FHAD1: variants seen among roughly 807,000 people sequenced by gnomAD.
FHAD1 encodes forkhead associated phosphopeptide binding domain 1, also known as forkhead-associated domain-containing protein 1.
FHAD1 carries 146 observed loss-of-function variants against 191.3 expected under a neutral mutation model. The ratio of observed to expected loss-of-function variants is 0.76; its 90% confidence interval spans 0.67 to 0.88. The LOEUF (loss-of-function observed/expected upper bound fraction) is 0.88. Ranked by LOEUF, FHAD1 falls within the 40% of genes least tolerant of loss-of-function variation. The probability of loss-of-function intolerance (pLI) is 0.00; values close to 1 mark genes in which losing one functional copy is unlikely to be tolerated. For synonymous variants in FHAD1, 616 were observed against 672.3 expected, an observed-to-expected ratio of 0.92 and a Z score of 1.29; for missense variants, 1,635 against 1,785.8, an observed-to-expected ratio of 0.92 and a Z score of 1.52.
At chr1:15,245,969 G>A (rs1185734638), upstream of FHAD1, among the ~76,000 whole-genome samples, 1 of 152,162 alleles carries the variant, frequency 6.6e-6, no homozygotes, top group African/African-American at 2.4e-5. Flanking sequence ...AGGTGTATTA[G>A]TCTGTTCTCA....
chr1:15,290,904 T>TG (rs1664441344), intron 4 of FHAD1, among the ~76,000 whole-genome samples: 1 of 151,948 alleles, frequency 6.6e-6, no homozygotes, highest in Middle Eastern at 3.4e-3. Flanking sequence ...TTAGTAGAGA[T>TG]GGGGTTTCAC....
chr1:15,293,446 G>A (rs11583695), intron 4 of FHAD1, among the ~76,000 whole-genome samples: 22,063 of 152,134 alleles, frequency 0.15, 2,743 homozygotes, highest in African/African-American at 0.34. Flanking sequence ...GTGGCCAGGC[G>A]CGGTGGCTCA....
At chr1:15,386,836 T>C (rs1281840207) in intron 31 of FHAD1, among the ~76,000 whole-genome samples, 2 of 143,710 alleles carry the variant, frequency 1.4e-5, no homozygotes, top group Admixed American at 6.8e-5. Context: ...TTTTCTTTTT[T>C]TTTCCTTTCT....
At chr1:15,245,802 G>C (rs1208668756), upstream of FHAD1, among the ~76,000 whole-genome samples, 1 of 152,176 alleles carries the variant, frequency 6.6e-6, no homozygotes, top group Non-Finnish European at 1.5e-5. Context: ...GCACATTCCT[G>C]GATTATGTCC....
intron 2 of FHAD1, among the ~76,000 whole-genome samples, chr1:15,267,945 T>TA (rs60912081): frequency 3.6e-4 from 48 of 134,968 alleles, no homozygotes; most frequent in African/African-American, 1.4e-3. Flanking sequence ...AATAGGAATA[T>TA]AAAAAATATA....
chr1:15,243,347 C>T (rs1645618494), upstream of FHAD1, among the ~76,000 whole-genome samples: 1 of 152,182 alleles, frequency 6.6e-6, no homozygotes, highest in African/African-American at 2.4e-5. Flanking sequence ...AGTGGGCCCT[C>T]TGCTCTCTGT....
Position 15,311,737 on chromosome 1 carries a change from C to G in FHAD1, c.1040-1320C>G, listed in dbSNP as rs564662130. Reference sequence around the variant, plus strand: ...AACCCAATACCACTGCATTATGCACCCTTCTTCTCACTTTTTCTCAATGTG... The same window carrying G: ...AACCCAATACCACTGCATTATGCACGCTTCTTCTCACTTTTTCTCAATGTG... On this transcript the variant is annotated intron_variant, in intron 7 of 33. Transcript: ENST00000688493. The surrounding 1 kb of genome is among the most constrained non-coding windows in gnomAD (Gnocchi z 4.1). Among the ~76,000 whole-genome samples the G allele has an allele frequency of 6.6e-6, 1 of 152,224 alleles. No individual in the cohort carries two copies. Among genetic ancestry groups the G allele is most frequent in the South Asian group, 2.1e-4 (1 of 4,816 alleles).
Position 15,381,886 on chromosome 1 carries a change from T to C in FHAD1, c.4023-142T>C, listed in dbSNP as rs892876755. ...GTTCTGCTCTCTGTACCCCAAATCT[T>C]CGTCATGCTCTCCTGCTTGTGATGA... On this transcript the variant is annotated intron_variant, in intron 30 of 33. Transcript: ENST00000688493. The surrounding 1 kb of genome is among the most constrained non-coding windows in gnomAD (Gnocchi z 4.6). 2 of 875,418 alleles carry C rather than the reference T, an allele frequency of 2.3e-6. No homozygotes were observed. The highest frequency in any genetic ancestry group is 5.3e-5 in the Admixed American group (2 of 37,712). The allele number at this position is 875,418 out of a possible 1,614,324, so 54.2% of individuals were successfully genotyped here.
intron 4 of FHAD1, among the ~76,000 whole-genome samples, chr1:15,294,841 AG>A (rs1666380430): frequency 6.6e-6 from 1 of 151,850 alleles, no homozygotes. Flanking sequence ...GCCCTGGTCA[AG>A]GCCCCCGTCT....
rs183080684 is a variant in FHAD1, at chr1:15,368,460, C to T, written c.3314+838C>T. ...GTCCCATGGGTTCATCTTTAAAAAT[C>T]CCCGTGAGTTGCATTTTTACCCTCA... is the stretch of plus-strand genomic sequence containing the variant. On this transcript the variant is annotated intron_variant, in intron 25 of 33. Coordinates refer to ENST00000688493, the MANE Select transcript of FHAD1 (RefSeq NM_001391957.1). Among the ~76,000 whole-genome samples, 364 of 152,310 alleles carry T rather than the reference C, an allele frequency of 2.4e-3. 2 individuals carry two copies. Among genetic ancestry groups the T allele is most frequent in the African/African-American group, 7.3e-3 (304 of 41,576 alleles).
intron 12 of FHAD1, 53 bp from the exon 13 acceptor site, chr1:15,328,224 A>G: frequency 2.3e-6 from 3 of 1,327,028 alleles, no homozygotes; most frequent in Non-Finnish European, 2.9e-6. Flanking sequence ...AGGGCCCCCC[A>G]CCCCTGTATG....
chr1:15,376,080 TTTTTATTTA>T (rs1360398480), intron 28 of FHAD1, among the ~76,000 whole-genome samples: 1,474 of 134,826 alleles, frequency 0.011, 20 homozygotes, highest in African/African-American at 0.04. Flanking sequence ...TTTATTTATT[TTTTTATTTA>T]TTTTTTTATT....
rs1426114639 is a variant in FHAD1, at chr1:15,276,330, A to C, written c.300+3801A>C. On this transcript the variant is annotated intron_variant, in intron 3 of 33. Coordinates refer to ENST00000688493, the MANE Select transcript of FHAD1 (RefSeq NM_001391957.1). This position sits in a 1 kb window ranked among gnomAD's most constrained non-coding sequence, Gnocchi z 4.7. ...ACCTGCCTCCACTGTGAGCCTTCCC[A>C]TGGACAGAAAACCTCCCAAGACCTC... Among the ~76,000 whole-genome samples the C allele has an allele frequency of 1.3e-5, 2 of 152,230 alleles. No homozygotes were observed. The highest frequency in any genetic ancestry group is 2.4e-5 in the African/African-American group (1 of 41,470).
intron 2 of FHAD1, among the ~76,000 whole-genome samples, chr1:15,269,713 C>A (rs1357276926): frequency 1.3e-5 from 2 of 152,124 alleles, no homozygotes; most frequent in Non-Finnish European, 2.9e-5. Context: ...TATGCCTTTA[C>A]TAATTTTCTG....
In FHAD1 at chr1:15,349,025, T is replaced by C. The variant is rs1032990354; in HGVS notation, c.2347-17T>C. On this transcript the variant is annotated splice_polypyrimidine_tract_variant and intron_variant, in intron 18 of 33. Transcript: ENST00000688493. ...TAAATGTGCAGGCCACCAAGAGCAC[T>C]GGTCGTTGATTTTCAGGTTTTGGAG... 9.8e-6 allele frequency: 15 copies of C among 1,528,172 alleles called. No homozygotes were observed. The highest frequency in any genetic ancestry group is 1.4e-5 in the African/African-American group (1 of 72,354). The allele number at this position is 1,528,172 out of a possible 1,614,324, so 94.7% of individuals were successfully genotyped here.
upstream of FHAD1, among the ~76,000 whole-genome samples, chr1:15,242,880 T>C (rs1645551063): frequency 6.6e-6 from 1 of 152,184 alleles, no homozygotes; most frequent in Non-Finnish European, 1.5e-5. Flanking sequence ...CACTGATCCA[T>C]TGTTTCATAC....
intron 25 of FHAD1, among the ~76,000 whole-genome samples, chr1:15,368,443 G>A (rs942992637): frequency 6.6e-6 from 1 of 152,096 alleles, no homozygotes; most frequent in Non-Finnish European, 1.5e-5. Flanking sequence ...TTGTCCCATG[G>A]GTTCATCTTT....
rs1486489852 is a variant in FHAD1 at position 15,364,013 on chromosome 1, T to C, written c.3047+1287T>C. On this transcript the variant is annotated intron_variant, in intron 23 of 33. Coordinates refer to ENST00000688493, the MANE Select transcript of FHAD1 (RefSeq NM_001391957.1). Reference sequence around the variant, plus strand: ...AAAGTTCCTGACTCCTCCTCCTGTTTAAAATCTAGAAACGGTGGTGCCCAT... The same window carrying C: ...AAAGTTCCTGACTCCTCCTCCTGTTCAAAATCTAGAAACGGTGGTGCCCAT... 4 of 322,410 alleles carry C rather than the reference T, an allele frequency of 1.2e-5. No individual in the cohort carries two copies. The Admixed American group carries it at 1.7e-4, about 14-fold the overall frequency. The allele number at this position is 322,410 out of a possible 1,614,324, so 20.0% of individuals were successfully genotyped here.
At position 15,292,787 on chromosome 1, in the gene FHAD1, A is replaced by G. The variant is rs547845739; in HGVS notation, c.568+3121A>G. 4.6e-5 allele frequency among the ~76,000 whole-genome samples: 7 copies of G among 152,226 alleles called. No homozygotes were observed. In the South Asian group the frequency reaches 1.4e-3, roughly 32 times the overall value. ...ACCCGGCCAACACCTTGATCTTTCA[A>G]CCTCTAAAACTTGAAAAAATAAATT... is the stretch of plus-strand genomic sequence containing the variant. On this transcript the variant is annotated intron_variant, in intron 4 of 33. Transcript: ENST00000688493.
Sources: allele counts gnomAD v4.1 joint callset (sites outside exome capture counted in the v4.1 genomes callset), GRCh38; gene constraint gnomAD v4.1.1; non-coding constraint Gnocchi (gnomAD v3.1); transcripts MANE v1.5; gene names NCBI Gene and HGNC (gene_info 2026-07-23, HGNC 2026-07-21).